ASPM: variants seen among roughly 807,000 people sequenced by gnomAD.
ASPM encodes the protein abnormal spindle-like microcephaly-associated protein.
Under a neutral mutation model 366.4 loss-of-function variants are expected in ASPM, and 256 were observed. The ratio of observed to expected loss-of-function variants is 0.70; its 90% CI spans 0.63 to 0.77. The LOEUF (loss-of-function observed/expected upper bound fraction) is 0.77, where lower values mean the gene tolerates loss of function less well. Ranked by LOEUF, ASPM falls within the 30% of genes least tolerant of loss-of-function variation. The pLI, the probability that ASPM is intolerant of heterozygous loss-of-function variation, is 0.00. For synonymous variants in ASPM, 1,414 were observed against 1,342.9 expected (o/e 1.05, Z -1.16); for missense variants, 4,146 against 4,090.4 (o/e 1.01, Z -0.37).
At chr1:197,141,718 C>T (rs546225168) in intron 3 of ASPM, among the ~76,000 whole-genome samples, 24 of 152,176 alleles carry the variant, frequency 1.6e-4, no homozygotes, top group East Asian at 3.9e-4. Context: ...CAGGACTGAA[C>T]GCAACTTGAG....
rs190075379 is a variant in ASPM, at chr1:197,135,121, G to A, written c.2148C>T (p.Phe716=). The change falls in exon 5 of 28, where the codon TTC becomes TTT. Residue 716 remains phenylalanine (F), a synonymous_variant. Coordinates refer to ENST00000367409, the MANE Select transcript of ASPM (RefSeq NM_018136.5). ...CTTCAGAAATATTTGTTTTTACAGT[G>A]AAGTCATCAGGGGTTAATATAAAAT... The part of the protein sequence containing the change: ...WLNFILTPDD[F]TVKTNISEVN... 3.1e-6 allele frequency: 5 copies of A among 1,602,180 alleles called. No homozygotes were observed. In the Admixed American group the frequency reaches 8.3e-5, roughly 27 times the overall value.
intron 26 of ASPM, among the ~76,000 whole-genome samples, chr1:197,087,654 C>A (rs1156487202): frequency 6.6e-6 from 1 of 152,186 alleles, no homozygotes; most frequent in Non-Finnish European, 1.5e-5. Flanking sequence ...AATCCTAAGA[C>A]AAGCACAATC....
chr1:197,103,282 CACT>C lies in ASPM; in HGVS notation c.5966_5968del (p.Lys1989_Trp1990delinsArg). Reference sequence around the variant, plus strand: ...AAGAGCAGCTTTTTTCATGATTTTCCACTTCTTTTGTTGCACATGCATTCTATA... The same window carrying C: ...AAGAGCAGCTTTTTTCATGATTTTCCTCTTTTGTTGCACATGCATTCTATA... On this transcript the variant is annotated inframe_deletion, in exon 18 of 28. Transcript: ENST00000367409. 6.2e-7 allele frequency: 1 copy of C among 1,612,962 alleles called. No individual in the cohort carries two copies. The highest frequency in any genetic ancestry group is 1.1e-5 in the South Asian group (1 of 91,058).
intron 26 of ASPM, 52 bp downstream of exon 26, chr1:197,088,204 C>T (rs907166352): frequency 6.4e-7 from 1 of 1,572,372 alleles, no homozygotes; most frequent in African/African-American, 1.4e-5. Context: ...AAGTCATAGA[C>T]TTAAGACCAC....
At chr1:197,126,315 C>A (rs1225820628) in intron 10 of ASPM, among the ~76,000 whole-genome samples, 1 of 151,918 alleles carries the variant, frequency 6.6e-6, no homozygotes, top group Non-Finnish European at 1.5e-5. Flanking sequence ...GTGGTGCACA[C>A]CTATAGTCCC....
In ASPM at chr1:197,146,295, G is replaced by A; in HGVS notation, c.143C>T (p.Pro48Leu). ...VLSLSHFCRSPFLCFGDVLLG... is the reference protein window; with the variant it reads ...VLSLSHFCRSLFLCFGDVLLG... ...GAGAACGTCCCCGAAGCAAAGGAAA[G>A]GAGACCTGCAGAAGTGGCTGAGAGA... Residue 48 changes from proline (P) to leucine (L), a missense_variant, in exon 1 of 28, where the codon CCT becomes CTT. Physicochemically the swap from Pro to Leu is moderately conservative, Grantham distance 98. This residue lies in a region of ASPM where 512 missense variants were observed against 471.7 expected (regional missense o/e 1.09). Transcript: ENST00000367409. 1 of 1,614,106 alleles carries A rather than the reference G, an allele frequency of 6.2e-7. No homozygotes were observed. Among genetic ancestry groups the A allele is most frequent in the South Asian group, 1.1e-5 (1 of 91,082 alleles).
At chr1:197,121,238 T>G (rs1455476387) in intron 16 of ASPM, among the ~76,000 whole-genome samples, 1 of 152,122 alleles carries the variant, frequency 6.6e-6, no homozygotes, top group Non-Finnish European at 1.5e-5. Flanking sequence ...AGGAGGCCGT[T>G]TCTTAGATTA....
chr1:197,130,641 A>G (rs1658229152), intron 7 of ASPM, among the ~76,000 whole-genome samples: 1 of 152,236 alleles, frequency 6.6e-6, no homozygotes, highest in Admixed American at 6.5e-5. Context: ...TAAAGCATGG[A>G]AAAGTATTAA....
At position 197,094,124 on chromosome 1, in the gene ASPM, A is replaced by G. The variant is rs779220972; in HGVS notation, c.9044T>C (p.Leu3015Pro). 4 of 1,607,410 alleles carry G rather than the reference A, an allele frequency of 2.5e-6. No homozygotes were observed. The highest frequency in any genetic ancestry group is 3.4e-6 in the Non-Finnish European group (4 of 1,175,914). Residue 3015 changes from leucine (L) to proline (P), a missense_variant, in exon 20 of 28, where the codon CTT becomes CCT. Physicochemically the swap from Leu to Pro is moderately conservative, Grantham distance 98. Transcript: ENST00000367409. Reference sequence around the variant, plus strand: ...GTGTTCATGAGCTATCTTTGCAGGAAGTATAGCTCTCCATTTTCTCTGAAT... The same window carrying G: ...GTGTTCATGAGCTATCTTTGCAGGAGGTATAGCTCTCCATTTTCTCTGAAT... ...IIIQRKWRAILPAKIAHEHFL... is the reference protein window; with the variant it reads ...IIIQRKWRAIPPAKIAHEHFL...
At chr1:197,086,756 A>G (rs1656599479) in intron 27 of ASPM, 47 bp downstream of exon 27, 1 of 1,469,652 alleles carries the variant, frequency 6.8e-7, no homozygotes, top group Non-Finnish European at 9.5e-7. Flanking sequence ...TGTTAAATGA[A>G]TGAATGAACA....
rs1024540564 is a variant in ASPM at position 197,103,661 on chromosome 1, G to C, written c.5590C>G (p.Leu1864Val). Residue 1864 changes from leucine to valine, a missense_variant, in exon 18 of 28, where the codon CTT (leucine) becomes GTT (valine). Leu to Val is a conservative substitution (Grantham distance 32). This residue lies in a region of ASPM where 3,624 missense variants were observed against 3,591.7 expected (regional missense o/e 1.01). Coordinates refer to ENST00000367409, the MANE Select transcript of ASPM (RefSeq NM_018136.5). ...IQRWYRAYKTLHDTRTHFLKT... is the reference protein window; with the variant it reads ...IQRWYRAYKTVHDTRTHFLKT... ...AAAAAATGTGTTCTTGTATCATGAA[G>C]AGTCTTGTACGCCCTGTACCATCTC... 5.6e-6 allele frequency: 9 copies of C among 1,612,778 alleles called. No individual in the cohort carries two copies. In the African/African-American group the frequency reaches 1.2e-4, roughly 22 times the overall value.
intron 17 of ASPM, among the ~76,000 whole-genome samples, chr1:197,111,681 G>A (rs1054676117): frequency 4.6e-5 from 7 of 152,022 alleles, no homozygotes; most frequent in East Asian, 1.9e-4. Context: ...CAACCAAGAC[G>A]TCCATCAACA....
At chr1:197,126,623 A>C (rs1471218788) in intron 10 of ASPM, among the ~76,000 whole-genome samples, 2 of 152,170 alleles carry the variant, frequency 1.3e-5, no homozygotes, top group Non-Finnish European at 2.9e-5. Flanking sequence ...CCAACTAAAA[A>C]AATGTGAAAT....
rs781010193 is a variant in ASPM at position 197,129,915 on chromosome 1, C to T, written c.2629G>A (p.Gly877Ser). The T allele has an allele frequency of 2.5e-6, 4 of 1,611,648 alleles. No individual in the cohort carries two copies. The highest frequency in any genetic ancestry group is 1.7e-6 in the Non-Finnish European group (2 of 1,177,926). Residue 877 changes from glycine (G) to serine (S), a missense_variant and splice_region_variant, in exon 8 of 28, where the codon GGT (glycine) becomes AGT (serine). Around this residue, in one of 3 missense-constraint regions of ASPM, gnomAD observed 3,624 missense variants for 3,591.7 expected, o/e 1.01. Coordinates refer to ENST00000367409, the MANE Select transcript of ASPM (RefSeq NM_018136.5). ...HPTVPHLYRD[G>S]HEEALSKFTL... ...ATGTAGGAGAGGCAGAGATACTTAC[C>T]ATCTCTATACAGGTGAGGAACAGTG...
chr1:197,124,761 C>A, intron 12 of ASPM, 109 bp downstream of exon 12: 1 of 883,162 alleles, frequency 1.1e-6, no homozygotes, highest in South Asian at 1.4e-5. Context: ...GCAAAATAAA[C>A]CTTATTAAAT....
intron 18 of ASPM, among the ~76,000 whole-genome samples, chr1:197,096,390 G>A (rs1162946673): frequency 1.3e-5 from 2 of 151,728 alleles, no homozygotes; most frequent in African/African-American, 4.8e-5. Context: ...ATACCTTATG[G>A]CTGGCTGCCA....
rs138624150 is a variant in ASPM at position 197,090,922 on chromosome 1, T to C, written c.9564A>G (p.Ile3188Met). 58 of 1,613,378 alleles carry C rather than the reference T, an allele frequency of 3.6e-5. No homozygotes were observed. The highest frequency in any genetic ancestry group is 4.7e-5 in the Non-Finnish European group (55 of 1,179,636). ...GGAGAAAATGGCGCACTGCTTTCTG[T>C]ATTACTGATGCAGCCCTATTTCGCT... ...LSQRNRAASV[I>M]QKAVRHFLLR... The change falls in exon 23 of 28, where the codon ATA becomes ATG. Residue 3188 changes from isoleucine to methionine, a missense_variant. By Grantham distance (10) the Ile-to-Met change is conservative (BLOSUM62 1). Transcript: ENST00000367409.
rs767134892 is a variant in ASPM at position 197,105,195 on chromosome 1, G to A, written c.4066-10C>T. ...ATCTTCTCCAATATCCCTGGAAAAG[G>A]TAAGAAAGGACACAAAGTAAAATAG... On this transcript the variant is annotated splice_polypyrimidine_tract_variant and intron_variant, in intron 17 of 27. Transcript: ENST00000367409. 6.3e-7 allele frequency: 1 copy of A among 1,590,354 alleles called. No individual in the cohort carries two copies. The highest frequency in any genetic ancestry group is 1.7e-5 in the Admixed American group (1 of 59,666).
At position 197,104,518 on chromosome 1, in the gene ASPM, C is replaced by T. The variant is rs143822761; in HGVS notation, c.4733G>A (p.Arg1578Gln). The T allele has an allele frequency of 2.5e-4, 403 of 1,612,426 alleles. 2 individuals carry two copies. In the African/African-American group the frequency reaches 4.6e-3, roughly 18 times the overall value. Residue 1578 changes from arginine to glutamine, a missense_variant, in exon 18 of 28, where the codon CGA (arginine) becomes CAA (glutamine). Arg to Gln is a conservative substitution (Grantham distance 43). Coordinates refer to ENST00000367409, the MANE Select transcript of ASPM (RefSeq NM_018136.5). ...AATAGTCTTCTTAAGGTTTAAAAATCGAACTCTGTCTTGTCTCATTCTCCA... is the reference window on the plus strand; with the variant it reads ...AATAGTCTTCTTAAGGTTTAAAAATTGAACTCTGTCTTGTCTCATTCTCCA... ...SYWRMRQDRV[R>Q]FLNLKKTIIK...
Sources: gnomAD v4.1 joint callset for allele counts (sites outside exome capture counted in the v4.1 genomes callset) on GRCh38, gnomAD v4.1.1 for gene constraint, gnomAD v4.1.1 regional missense constraint, MANE v1.5 for transcripts, NCBI Gene and HGNC (gene_info 2026-07-23, HGNC 2026-07-21) for gene names.